The following PID1 variants were observed in gnomAD, a reference collection of about 807,000 sequenced individuals.
The protein encoded by PID1 is PTB-containing, cubilin and LRP1-interacting protein.
In PID1, 10 loss-of-function variants were observed where a neutral mutation model predicts 19.1. The observed-to-expected ratio is 0.52, with a 90% CI of 0.32 to 0.89. The LOEUF (loss-of-function observed/expected upper bound fraction) is 0.89. Ranked by LOEUF, PID1 falls within the 40% of genes least tolerant of loss-of-function variation. The pLI is 0.03. For missense variants in PID1, 248 were observed against 285.3 expected (o/e 0.87, Z 0.94); for synonymous variants, 130 against 116.0 (o/e 1.12, Z -0.78).
intron 1 of PID1, among the ~76,000 whole-genome samples, chr2:229,225,126 G>A (rs1413376007): frequency 6.6e-6 from 1 of 152,090 alleles, no homozygotes; most frequent in Non-Finnish European, 1.5e-5. Context: ...GTAAGAGCTT[G>A]GACTGGGAGT....
Position 229,026,003 on chromosome 2 carries a change from C to T in PID1, c.283G>A (p.Asp95Asn). ...AGGAGGGCATTGGCCGGAAAGACAT[C>T]CTCTCGGGCTAGCGTGTGCTTCTTC... ...LWKKHTLARE[D>N]VFPANALLEI... Residue 95 changes from aspartate to asparagine, a missense_variant, in exon 3 of 3, where the codon GAT (aspartate) becomes AAT (asparagine). Coordinates refer to ENST00000392055, the MANE Select transcript of PID1 (RefSeq NM_001100818.2). 1 of 1,614,222 alleles carries T rather than the reference C, an allele frequency of 6.2e-7. No homozygotes were observed. The highest frequency in any genetic ancestry group is 8.5e-7 in the Non-Finnish European group (1 of 1,180,024).
intron 2 of PID1, among the ~76,000 whole-genome samples, chr2:229,120,898 T>TA (rs1471628082): frequency 6.6e-6 from 1 of 152,038 alleles, no homozygotes; most frequent in Non-Finnish European, 1.5e-5. Flanking sequence ...GCAGTTGTTA[T>TA]AAAGCAAGGT....
At chr2:229,100,419 A>G (rs1695053269) in intron 2 of PID1, among the ~76,000 whole-genome samples, 1 of 152,196 alleles carries the variant, frequency 6.6e-6, no homozygotes, top group South Asian at 2.1e-4. Context: ...AAAAACTACA[A>G]AGGAAATTAT....
rs78281705 is a variant in PID1 at position 229,108,720 on chromosome 2, G to T, written c.177+47098C>A. Among the ~76,000 whole-genome samples, 174 of 152,284 alleles carry T rather than the reference G, an allele frequency of 1.1e-3. No individual in the cohort carries two copies. In the East Asian group the frequency reaches 0.021, roughly 19 times the overall value. ...ATGAAGTAGGAGTCAGAGAGGGATG[G>T]CAAGGAAGCAGGGAGAGGCCAGCCT... On this transcript the variant is annotated intron_variant, in intron 2 of 2. Coordinates refer to ENST00000392055, the MANE Select transcript of PID1 (RefSeq NM_001100818.2).
chr2:229,248,150 A>T (rs1433896633), intron 1 of PID1, among the ~76,000 whole-genome samples: 1 of 152,154 alleles, frequency 6.6e-6, no homozygotes, highest in Non-Finnish European at 1.5e-5. Flanking sequence ...TCACCAACTA[A>T]CTCAGTGAAG....
rs566220918 is a variant in PID1, at chr2:229,134,417, T to A, written c.177+21401A>T. ...ACCACTCCTGGCTTTTTTTTTTTTG[T>A]ATTTTTAGTAGAGACAGGGTTTCAC... On this transcript the variant is annotated intron_variant, in intron 2 of 2. Transcript: ENST00000392055. Among the ~76,000 whole-genome samples, 698 of 141,180 alleles carry A rather than the reference T, an allele frequency of 4.9e-3. 6 individuals are homozygous for A. The highest frequency in any genetic ancestry group is 0.017 in the African/African-American group (661 of 38,142). The allele number at this position is 141,180 out of a possible 152,430, so 92.6% of individuals were successfully genotyped here. A position where few individuals can be genotyped will look rare whatever the true frequency, so the allele number is the denominator to read the frequency against.
At chr2:229,162,509 A>G (rs1690511253) in intron 1 of PID1, among the ~76,000 whole-genome samples, 1 of 152,216 alleles carries the variant, frequency 6.6e-6, no homozygotes, top group South Asian at 2.1e-4. Flanking sequence ...GACAGACTAT[A>G]ATGGTCAGTT....
At chr2:229,027,346 T>C (rs1693446295) in intron 2 of PID1, among the ~76,000 whole-genome samples, 1 of 152,208 alleles carries the variant, frequency 6.6e-6, no homozygotes, top group Non-Finnish European at 1.5e-5. Flanking sequence ...ATATAACACA[T>C]AGGCATGGGG....
intron 2 of PID1, among the ~76,000 whole-genome samples, chr2:229,029,208 C>T (rs999637548): frequency 2.6e-5 from 4 of 151,364 alleles, no homozygotes; most frequent in African/African-American, 7.3e-5. Context: ...TGCACTTGTA[C>T]CCCTGGACCT....
intron 1 of PID1, among the ~76,000 whole-genome samples, chr2:229,229,858 C>G (rs1692164970): frequency 6.6e-6 from 1 of 152,154 alleles, no homozygotes; most frequent in Non-Finnish European, 1.5e-5. Context: ...CTTCATGTAC[C>G]CTACATCATC....
chr2:229,051,060 G>C (rs1265820156), intron 2 of PID1, among the ~76,000 whole-genome samples: 1 of 152,098 alleles, frequency 6.6e-6, no homozygotes, highest in Non-Finnish European at 1.5e-5. Flanking sequence ...TTTCTTTTAG[G>C]ATTCTCTACA....
At chr2:229,221,316 T>C (rs1176460638) in intron 1 of PID1, among the ~76,000 whole-genome samples, 1 of 152,180 alleles carries the variant, frequency 6.6e-6, no homozygotes, top group African/African-American at 2.4e-5. Context: ...CACTTTCCTT[T>C]AGCTTCTCAC....
chr2:229,174,561 C>G (rs774973051), intron 1 of PID1, among the ~76,000 whole-genome samples: 26 of 151,642 alleles, frequency 1.7e-4, no homozygotes, highest in Non-Finnish European at 3.7e-4. Flanking sequence ...ACATTATCAC[C>G]CCCCAATGGG....
At chr2:229,222,035 C>A (rs1172949255) in intron 1 of PID1, among the ~76,000 whole-genome samples, 1 of 152,242 alleles carries the variant, frequency 6.6e-6, no homozygotes, top group Non-Finnish European at 1.5e-5. Flanking sequence ...CACCCCTCTC[C>A]CACTCGGAAG....
At chr2:229,077,297 T>C (rs1047922123) in intron 2 of PID1, among the ~76,000 whole-genome samples, 1 of 152,204 alleles carries the variant, frequency 6.6e-6, no homozygotes, top group Non-Finnish European at 1.5e-5. Context: ...CTTTGTCAGA[T>C]GGATAGATTG....
At chr2:229,241,328 G>A (rs973369084) in intron 1 of PID1, among the ~76,000 whole-genome samples, 1 of 152,092 alleles carries the variant, frequency 6.6e-6, no homozygotes, top group African/African-American at 2.4e-5. Flanking sequence ...CAGGACTATT[G>A]ATTTGTGTTT....
chr2:229,188,590 T>A (rs548416276), intron 1 of PID1, among the ~76,000 whole-genome samples: 1 of 151,838 alleles, frequency 6.6e-6, no homozygotes, highest in African/African-American at 2.4e-5. Context: ...ATACAAAAAA[T>A]TAGCCAGGCA....
intron 2 of PID1, among the ~76,000 whole-genome samples, chr2:229,143,826 T>C (rs1690069379): frequency 6.6e-6 from 1 of 152,090 alleles, no homozygotes; most frequent in African/African-American, 2.4e-5. Context: ...TTGCTTCCCC[T>C]TCCCCTTCCG....
At chr2:229,264,449 C>G (rs1323471745) in intron 1 of PID1, among the ~76,000 whole-genome samples, 4 of 152,080 alleles carry the variant, frequency 2.6e-5, no homozygotes, top group Non-Finnish European at 4.4e-5. Context: ...AAACAGGGAC[C>G]CAAGTGATCA....
Sources: gnomAD v4.1 joint callset for allele counts (sites outside exome capture counted in the v4.1 genomes callset) on GRCh38, gnomAD v4.1.1 for gene constraint, MANE v1.5 for transcripts, NCBI Gene and HGNC (gene_info 2026-07-23, HGNC 2026-07-21) for gene names.